Variants in TENM3 observed in about 807,000 individuals in gnomAD.
The protein encoded by TENM3 is teneurin-3.
Under a neutral mutation model 255.1 loss-of-function variants are expected in TENM3, and 63 were observed. The observed-to-expected ratio is 0.25, with a 90% CI of 0.20 to 0.30. The LOEUF is 0.30. Ranked by LOEUF, TENM3 falls within the 10% of genes least tolerant of loss-of-function variation. The probability of loss-of-function intolerance (pLI) is 1.00; values close to 1 mark genes in which losing one functional copy is unlikely to be tolerated. For synonymous variants in TENM3, 1,306 were observed against 1,322.3 expected, an observed-to-expected ratio of 0.99 and a Z score of 0.27; for missense variants, 2,929 against 3,461.1, an observed-to-expected ratio of 0.85 and a Z score of 3.86.
intron 1 of TENM3, among the ~76,000 whole-genome samples, chr4:182,288,188 G>A (rs940136938): frequency 1.3e-4 from 19 of 151,852 alleles, no homozygotes; most frequent in Admixed American, 9.2e-4. Context: ...CACCCTCCTC[G>A]GCCTCCCAAA....
intron 3 of TENM3, among the ~76,000 whole-genome samples, chr4:182,380,231 A>G (rs1003267865): frequency 5.9e-5 from 9 of 152,220 alleles, no homozygotes; most frequent in African/African-American, 2.2e-4. Flanking sequence ...AGATTGTGCC[A>G]CTGCACTCCA....
chr4:182,488,038 G>A (rs1457058504), intron 3 of TENM3, among the ~76,000 whole-genome samples: 1 of 152,184 alleles, frequency 6.6e-6, no homozygotes, highest in African/African-American at 2.4e-5. Context: ...GGAAGTGCAT[G>A]TATTTTGGAT....
chr4:182,087,847 A>C, the TENM3 span, among the ~76,000 whole-genome samples: 3 of 152,180 alleles, frequency 2.0e-5, no homozygotes, highest in African/African-American at 7.2e-5. Flanking sequence ...TACACTTAGA[A>C]TGTATTAAAA....
chr4:181,781,043 A>G, the TENM3 span, among the ~76,000 whole-genome samples: 2 of 152,130 alleles, frequency 1.3e-5, no homozygotes, highest in Non-Finnish European at 2.9e-5. Context: ...TGTAGTTTGA[A>G]GTCAGGTAGC....
intron 1 of TENM3, among the ~76,000 whole-genome samples, chr4:182,172,357 C>T (rs1192385537): frequency 6.6e-6 from 1 of 152,016 alleles, no homozygotes; most frequent in Non-Finnish European, 1.5e-5. Flanking sequence ...GTTTGCAATA[C>T]AAAACAGTAT....
At chr4:182,030,497 G>A in the TENM3 span, among the ~76,000 whole-genome samples, 2 of 152,230 alleles carry the variant, frequency 1.3e-5, no homozygotes, top group Middle Eastern at 3.4e-3. Context: ...GGACATTTGG[G>A]TTGATTCCAT....
At chr4:181,522,128 A>AAAG in the TENM3 span, among the ~76,000 whole-genome samples, 340 of 146,876 alleles carry the variant, frequency 2.3e-3, 3 homozygotes, top group African/African-American at 8.3e-3. Flanking sequence ...AAAAAAAAAA[A>AAAG]AAGAAGAAGC....
the TENM3 span, among the ~76,000 whole-genome samples, chr4:181,815,296 C>CA: frequency 0.047 from 5,728 of 123,120 alleles, 155 homozygotes; most frequent in Middle Eastern, 0.081. Flanking sequence ...TACAAAAATA[C>CA]AAAAAAAAAA....
the TENM3 span, among the ~76,000 whole-genome samples, chr4:181,700,207 T>C: frequency 7.2e-6 from 1 of 138,832 alleles, no homozygotes; most frequent in Non-Finnish European, 1.5e-5. Context: ...TTTCTAAGTT[T>C]GATTTTTATT....
chr4:181,893,673 A>G, the TENM3 span, among the ~76,000 whole-genome samples: 3 of 152,080 alleles, frequency 2.0e-5, no homozygotes, highest in African/African-American at 7.2e-5. Flanking sequence ...GTTCTCGTGA[A>G]TATGCAAGGA....
At chr4:182,077,799 T>G in the TENM3 span, among the ~76,000 whole-genome samples, 5 of 152,122 alleles carry the variant, frequency 3.3e-5, no homozygotes, top group Non-Finnish European at 5.9e-5. Flanking sequence ...ATAACATTTC[T>G]GAAAGAAGGA....
chr4:182,713,568 C>T (rs900404741), intron 12 of TENM3, among the ~76,000 whole-genome samples: 1 of 152,162 alleles, frequency 6.6e-6, no homozygotes, highest in Non-Finnish European at 1.5e-5. Flanking sequence ...AACTCCGAGG[C>T]CAGATAAAAT....
chr4:182,122,249 T>C, the TENM3 span, among the ~76,000 whole-genome samples: 1 of 152,162 alleles, frequency 6.6e-6, no homozygotes, highest in Admixed American at 6.5e-5. Flanking sequence ...TCTTTCAAAC[T>C]CCTGTTAATG....
At chr4:182,221,609 T>C (rs1014037665) in intron 1 of TENM3, among the ~76,000 whole-genome samples, 21 of 152,218 alleles carry the variant, frequency 1.4e-4, no homozygotes, top group African/African-American at 4.6e-4. Context: ...TTTCAATATA[T>C]ATACCATCCA....
chr4:181,453,764 G>C, the TENM3 span, among the ~76,000 whole-genome samples: 1 of 152,052 alleles, frequency 6.6e-6, no homozygotes, highest in Non-Finnish European at 1.5e-5. Flanking sequence ...AATAACCTCC[G>C]TTAGTCCTGT....
chr4:181,574,358 C>T, the TENM3 span, among the ~76,000 whole-genome samples: 1 of 151,644 alleles, frequency 6.6e-6, no homozygotes, highest in Non-Finnish European at 1.5e-5. Context: ...GGTGAAACCC[C>T]GTCTCTACTA....
intron 12 of TENM3, among the ~76,000 whole-genome samples, chr4:182,695,152 G>A (rs945505786): frequency 3.3e-5 from 5 of 152,160 alleles, no homozygotes; most frequent in African/African-American, 1.2e-4. Context: ...CCCACAAATA[G>A]CTGTTCTGGG....
At chr4:182,550,652 A>G (rs996286406) in intron 3 of TENM3, among the ~76,000 whole-genome samples, 1 of 152,128 alleles carries the variant, frequency 6.6e-6, no homozygotes, top group Non-Finnish European at 1.5e-5. Context: ...AATGCTTCTA[A>G]CACCAGGGAT....
chr4:181,591,833 G>A, the TENM3 span, among the ~76,000 whole-genome samples: 1 of 152,114 alleles, frequency 6.6e-6, no homozygotes, highest in Non-Finnish European at 1.5e-5. Flanking sequence ...ACCAGTCCTT[G>A]GTGCCAAAAA....
Sources: gnomAD v4.1 joint callset for allele counts (sites outside exome capture counted in the v4.1 genomes callset) on GRCh38, gnomAD v4.1.1 for gene constraint, MANE v1.5 for transcripts, NCBI Gene and HGNC (gene_info 2026-07-23, HGNC 2026-07-21) for gene names.